Variants in CCDC91 observed in about 807,000 individuals in gnomAD.
The protein encoded by CCDC91 is coiled-coil domain-containing protein 91.
Under a neutral mutation model 63.2 loss-of-function variants are expected in CCDC91, and 48 were observed. The ratio of observed to expected loss-of-function variants is 0.76; its 90% confidence interval spans 0.60 to 0.97. The LOEUF is 0.97. CCDC91 is among the 50% of genes least tolerant of loss of function. The pLI is 0.00. For missense variants in CCDC91, 500 were observed against 494.6 expected (o/e 1.01, Z -0.10); for synonymous variants, 167 against 165.8 (o/e 1.01, Z -0.06).
At chr12:28,307,200 T>A (rs1485252299) in intron 5 of CCDC91, among the ~76,000 whole-genome samples, 1 of 151,966 alleles carries the variant, frequency 6.6e-6, no homozygotes, top group African/African-American at 2.4e-5. Context: ...TTATTTTTAT[T>A]TACTTTGAAA....
intron 3 of CCDC91, among the ~76,000 whole-genome samples, chr12:28,278,834 T>TA (rs955284059): frequency 1.3e-5 from 2 of 152,050 alleles, no homozygotes; most frequent in African/African-American, 4.8e-5. Flanking sequence ...TCAACTTAAT[T>TA]AGCCTTTCAA....
At chr12:28,217,794 G>T (rs1242981354) in intron 1 of CCDC91, among the ~76,000 whole-genome samples, 1 of 152,016 alleles carries the variant, frequency 6.6e-6, no homozygotes, top group Non-Finnish European at 1.5e-5. Flanking sequence ...ATGCAGGGTG[G>T]TGGTATGCTC....
chr12:28,358,117 GTTGGAAGTGTATC>G (rs1943638414), intron 6 of CCDC91, among the ~76,000 whole-genome samples: 1 of 152,140 alleles, frequency 6.6e-6, no homozygotes, highest in African/African-American at 2.4e-5. Flanking sequence ...TATTAAGGAA[GTTGGAAGTGTATC>G]TTAGAAATAA....
intron 3 of CCDC91, among the ~76,000 whole-genome samples, chr12:28,260,009 G>A (rs917444971): frequency 6.6e-6 from 1 of 151,944 alleles, no homozygotes; most frequent in Non-Finnish European, 1.5e-5. Context: ...GAAGATGAAA[G>A]TATTTTCTTC....
chr12:28,412,964 TC>T (rs1947412268), intron 8 of CCDC91: 1 of 280,252 alleles, frequency 3.6e-6, no homozygotes, highest in Non-Finnish European at 7.2e-6. Flanking sequence ...TAACTTTAAA[TC>T]CTTTTTGGCC....
chr12:28,267,847 A>AT (rs549140257), intron 3 of CCDC91, among the ~76,000 whole-genome samples: 2 of 15,004 alleles, frequency 1.3e-4, no homozygotes, highest in Admixed American at 1.3e-3. Flanking sequence ...ATATATAATT[A>AT]TATAGTAATA....
At chr12:28,268,156 C>T (rs772269032) in intron 3 of CCDC91, among the ~76,000 whole-genome samples, 11 of 151,006 alleles carry the variant, frequency 7.3e-5, no homozygotes, top group South Asian at 2.1e-4. Flanking sequence ...CTCTGCCTCA[C>T]GGGTTCAAGA....
chr12:28,341,687 T>G (rs1942435420), intron 6 of CCDC91, among the ~76,000 whole-genome samples: 1 of 151,770 alleles, frequency 6.6e-6, no homozygotes, highest in Non-Finnish European at 1.5e-5. Context: ...AGATGTTTCC[T>G]GCTATTATTT....
At chr12:28,448,944 T>A (rs1475474150) in intron 8 of CCDC91, among the ~76,000 whole-genome samples, 1 of 152,078 alleles carries the variant, frequency 6.6e-6, no homozygotes, top group East Asian at 1.9e-4. Flanking sequence ...AAAATCTCAG[T>A]TATTAATACT....
intron 8 of CCDC91, among the ~76,000 whole-genome samples, chr12:28,412,493 T>C (rs1947376624): frequency 6.6e-6 from 1 of 152,164 alleles, no homozygotes; most frequent in African/African-American, 2.4e-5. Flanking sequence ...CACCATTCTG[T>C]GTCTGGAGTT....
chr12:28,239,162 T>C (rs571577793), intron 1 of CCDC91, among the ~76,000 whole-genome samples: 19 of 151,518 alleles, frequency 1.3e-4, no homozygotes, highest in Non-Finnish European at 2.5e-4. Context: ...AATTAAAAAA[T>C]GTAGTGATAA....
At chr12:28,444,599 A>G (rs1285434665) in intron 8 of CCDC91, among the ~76,000 whole-genome samples, 3 of 152,154 alleles carry the variant, frequency 2.0e-5, no homozygotes, top group Non-Finnish European at 2.9e-5. Context: ...AATACAACAC[A>G]TTCTCACTTA....
At chr12:28,446,250 A>G (rs1949494281) in intron 8 of CCDC91, among the ~76,000 whole-genome samples, 1 of 152,208 alleles carries the variant, frequency 6.6e-6, no homozygotes, top group East Asian at 1.9e-4. Flanking sequence ...ACATTTGGGA[A>G]TCTCCACAAC....
chr12:28,236,309 C>T (rs1413038543), intron 1 of CCDC91: 1 of 151,768 alleles, frequency 6.6e-6, no homozygotes, highest in Non-Finnish European at 1.5e-5. Context: ...AGGCAGTTTT[C>T]TGTGAAGAGT....
At chr12:28,301,422 T>C (rs914926480) in intron 3 of CCDC91, among the ~76,000 whole-genome samples, 3 of 151,640 alleles carry the variant, frequency 2.0e-5, no homozygotes, top group Non-Finnish European at 3.0e-5. Context: ...GTTCTATTGG[T>C]TCATTACATA....
intron 1 of CCDC91, among the ~76,000 whole-genome samples, chr12:28,254,024 A>G (rs937406756): frequency 9.2e-5 from 14 of 152,210 alleles, no homozygotes; most frequent in African/African-American, 3.4e-4. Flanking sequence ...CTGATACAGA[A>G]TTGCTGAATA....
At chr12:28,262,284 A>T (rs944299494) in intron 3 of CCDC91, among the ~76,000 whole-genome samples, 4 of 152,098 alleles carry the variant, frequency 2.6e-5, no homozygotes, top group Admixed American at 2.6e-4. Context: ...AGACATGATG[A>T]TTAACCAAGC....
chr12:28,209,724 C>T (rs1383232902), intron 1 of CCDC91, among the ~76,000 whole-genome samples: 1 of 152,216 alleles, frequency 6.6e-6, no homozygotes, highest in African/African-American at 2.4e-5. Context: ...AGTTGCTACA[C>T]CCAGCTCAAG....
At chr12:28,503,477 A>G (rs1938247175) in intron 12 of CCDC91, among the ~76,000 whole-genome samples, 2 of 152,158 alleles carry the variant, frequency 1.3e-5, no homozygotes. Context: ...ACACTTTTAC[A>G]CTGTTGGTGG....
Sources: allele counts gnomAD v4.1 joint callset (sites outside exome capture counted in the v4.1 genomes callset), GRCh38; gene constraint gnomAD v4.1.1; transcripts MANE v1.5; gene names NCBI Gene and HGNC (gene_info 2026-07-23, HGNC 2026-07-21).